The following CDH13 variants were observed in gnomAD, a reference collection of about 807,000 sequenced individuals.
CDH13 encodes cadherin-13.
In CDH13, 24 loss-of-function variants were observed where a neutral mutation model predicts 63.8. The observed-to-expected ratio is 0.38, with a 90% CI of 0.27 to 0.53. CDH13 has a LOEUF of 0.53. Ranked by LOEUF, CDH13 falls within the 20% of genes least tolerant of loss-of-function variation. The pLI is 0.85. For missense variants in CDH13, 1,049 were observed against 903.1 expected, an observed-to-expected ratio of 1.16 and a Z score of -2.07; for synonymous variants, 503 against 355.3, an observed-to-expected ratio of 1.42 and a Z score of -4.67.
At chr16:83,164,887 A>G (rs936077089) in intron 4 of CDH13, among the ~76,000 whole-genome samples, 2 of 139,938 alleles carry the variant, frequency 1.4e-5, no homozygotes, top group East Asian at 4.1e-4. Flanking sequence ...GGACATTATT[A>G]TCTTACAGAT....
At chr16:82,659,660 C>T (rs561875524) in intron 1 of CDH13, among the ~76,000 whole-genome samples, 61 of 152,072 alleles carry the variant, frequency 4.0e-4, no homozygotes, top group Non-Finnish European at 6.0e-4. Flanking sequence ...AGGTACTGTG[C>T]GAGGCACTGG....
intron 8 of CDH13, among the ~76,000 whole-genome samples, chr16:83,667,577 C>T (rs11525693): frequency 6.6e-6 from 1 of 152,016 alleles, no homozygotes; most frequent in African/African-American, 2.4e-5. Flanking sequence ...GCACCATTAT[C>T]ACAGTGCTAG....
intron 7 of CDH13, among the ~76,000 whole-genome samples, chr16:83,576,679 G>A (rs1905106685): frequency 6.6e-6 from 1 of 152,140 alleles, no homozygotes; most frequent in South Asian, 2.1e-4. Flanking sequence ...ATTTTCTGTT[G>A]TTGCTGTTTT....
At chr16:82,904,152 A>G (rs1391497141) in intron 2 of CDH13, among the ~76,000 whole-genome samples, 1 of 152,244 alleles carries the variant, frequency 6.6e-6, no homozygotes, top group Non-Finnish European at 1.5e-5. Context: ...ACACCTGTAT[A>G]TAACTTGGCA....
intron 10 of CDH13, among the ~76,000 whole-genome samples, chr16:83,684,631 GA>G (rs1174540248): frequency 1.3e-5 from 2 of 152,144 alleles, no homozygotes; most frequent in African/African-American, 4.8e-5. Context: ...TCTTGCCCAG[GA>G]TCTATAGTAA....
At chr16:83,668,192 C>T (rs1184922309) in intron 8 of CDH13, among the ~76,000 whole-genome samples, 2 of 152,144 alleles carry the variant, frequency 1.3e-5, no homozygotes, top group Non-Finnish European at 2.9e-5. Flanking sequence ...CACATTCCCT[C>T]AGGCCTCACC....
intron 1 of CDH13, among the ~76,000 whole-genome samples, chr16:82,694,530 G>A (rs1380368681): frequency 1.3e-5 from 2 of 152,102 alleles, no homozygotes; most frequent in East Asian, 1.9e-4. Flanking sequence ...ATTATACTAA[G>A]ACTATAAAAC....
intron 1 of CDH13, among the ~76,000 whole-genome samples, chr16:82,771,086 T>C (rs1222920204): frequency 6.6e-6 from 1 of 152,238 alleles, no homozygotes; most frequent in Non-Finnish European, 1.5e-5. Context: ...TTGAAATTTG[T>C]TTGACTATAC....
chr16:83,176,544 C>T (rs2038133453), intron 4 of CDH13, among the ~76,000 whole-genome samples: 1 of 146,448 alleles, frequency 6.8e-6, no homozygotes, highest in South Asian at 2.2e-4. Flanking sequence ...AGTCCTTGTG[C>T]ATTAATCTGT....
intron 1 of CDH13, among the ~76,000 whole-genome samples, chr16:82,635,696 G>A (rs1362562974): frequency 6.6e-6 from 1 of 152,180 alleles, no homozygotes; most frequent in East Asian, 1.9e-4. Context: ...TGCAGAGATG[G>A]GGCAGGTGAT....
At position 83,571,442 on chromosome 16, in the gene CDH13, T is replaced by C. The variant is rs115617326; in HGVS notation, c.961-31012T>C. 7.2e-3 allele frequency among the ~76,000 whole-genome samples: 1,095 copies of C among 152,292 alleles called. 9 individuals are homozygous for C. The highest frequency in any genetic ancestry group is 0.025 in the African/African-American group (1,032 of 41,558). On this transcript the variant is annotated intron_variant, in intron 7 of 13. Transcript: ENST00000567109. Reference sequence around the variant, plus strand: ...AACTGGCCCTTAAAGCAATAAGATATTGATCCCTTAAATTATCTGTGTATT... The same window carrying C: ...AACTGGCCCTTAAAGCAATAAGATACTGATCCCTTAAATTATCTGTGTATT...
chr16:82,775,563 G>A (rs2035455505), intron 1 of CDH13, among the ~76,000 whole-genome samples: 1 of 152,150 alleles, frequency 6.6e-6, no homozygotes, highest in South Asian at 2.1e-4. Flanking sequence ...AATGCTATGG[G>A]AAAGGTACTC....
chr16:83,433,850 T>C (rs374619933), intron 6 of CDH13, among the ~76,000 whole-genome samples: 1 of 152,220 alleles, frequency 6.6e-6, no homozygotes, highest in African/African-American at 2.4e-5. Context: ...TAGTAGTTGG[T>C]AATGATTTTT....
At chr16:83,583,196 T>A (rs1009854632) in intron 7 of CDH13, among the ~76,000 whole-genome samples, 8 of 152,282 alleles carry the variant, frequency 5.3e-5, no homozygotes, top group Middle Eastern at 3.4e-3. Context: ...ATAAGGATAC[T>A]TGTAGATTTA....
intron 2 of CDH13, among the ~76,000 whole-genome samples, chr16:82,987,914 C>T (rs116102039): frequency 3.3e-3 from 509 of 152,302 alleles, no homozygotes; most frequent in African/African-American, 0.011. Flanking sequence ...AGAGGTCTTT[C>T]TCCCTTTGAA....
intron 2 of CDH13, among the ~76,000 whole-genome samples, chr16:82,908,194 C>T (rs2041711315): frequency 6.6e-6 from 1 of 152,120 alleles, no homozygotes; most frequent in African/African-American, 2.4e-5. Flanking sequence ...ACGTCTGGAA[C>T]CTTGACATTC....
intron 7 of CDH13, among the ~76,000 whole-genome samples, chr16:83,504,486 T>C (rs1384481138): frequency 6.6e-6 from 1 of 152,126 alleles, no homozygotes; most frequent in African/African-American, 2.4e-5. Flanking sequence ...GGACGGGCAA[T>C]GGGAGGCATC....
chr16:82,862,502 T>A (rs1356571321), intron 2 of CDH13, among the ~76,000 whole-genome samples: 1 of 152,164 alleles, frequency 6.6e-6, no homozygotes, highest in Non-Finnish European at 1.5e-5. Context: ...ATGAGTGCAG[T>A]CTTTGGTGTC....
At chr16:83,728,345 G>A (rs1285984986) in intron 10 of CDH13, among the ~76,000 whole-genome samples, 2 of 149,104 alleles carry the variant, frequency 1.3e-5, no homozygotes, top group Non-Finnish European at 3.0e-5. Context: ...GTGTGTGCGT[G>A]TGTGTGTGTG....
Sources: gnomAD v4.1 joint callset for allele counts (sites outside exome capture counted in the v4.1 genomes callset) on GRCh38, gnomAD v4.1.1 for gene constraint, MANE v1.5 for transcripts, NCBI Gene and HGNC (gene_info 2026-07-23, HGNC 2026-07-21) for gene names.